Variants in NBEA observed in about 807,000 individuals in gnomAD.
NBEA encodes the protein lysosomal-trafficking regulator 2.
Under a neutral mutation model 343.4 loss-of-function variants are expected in NBEA, and 44 were observed. That is an observed-to-expected ratio of 0.13 (90% CI 0.10 to 0.16). The LOEUF is 0.16. Among genes scored for constraint, NBEA ranks in the 10% least tolerant of loss-of-function variants. The pLI is 1.00. For synonymous variants in NBEA, 1,175 were observed against 1,238.7 expected, an observed-to-expected ratio of 0.95 and a Z score of 1.08; for missense variants, 2,555 against 3,631.3, an observed-to-expected ratio of 0.70 and a Z score of 7.62.
In NBEA at chr13:35,157,146, C is replaced by G. The variant is rs1387402117; in HGVS notation, c.2720C>G (p.Ser907Cys). Reference sequence around the variant, plus strand: ...CTTGGCTATATCAATCCTAAAAATTCTGAGGAACAGAAGATTACCGAAATG... The same window carrying G: ...CTTGGCTATATCAATCCTAAAAATTGTGAGGAACAGAAGATTACCGAAATG... ...FSLGYINPKN[S>C]EEQKITEMVY... Residue 907 changes from serine (S) to cysteine (C), a missense_variant, in exon 21 of 59, where the codon TCT becomes TGT. Around this residue, in one of 21 missense-constraint regions of NBEA, gnomAD observed 360 missense variants for 519.1 expected, o/e 0.69. Transcript: ENST00000379939. 6 of 1,607,964 alleles carry G rather than the reference C, an allele frequency of 3.7e-6. No individual in the cohort carries two copies. The highest frequency in any genetic ancestry group is 1.3e-5 in the African/African-American group (1 of 74,750).
At chr13:35,309,173 T>A (rs939608574) in intron 35 of NBEA, among the ~76,000 whole-genome samples, 8 of 152,040 alleles carry the variant, frequency 5.3e-5, no homozygotes, top group Non-Finnish European at 5.9e-5. Context: ...GGAGCTAAAG[T>A]TTTCTATCCC....
chr13:35,505,307 G>A (rs907015419), intron 41 of NBEA, among the ~76,000 whole-genome samples: 10 of 152,122 alleles, frequency 6.6e-5, no homozygotes, highest in African/African-American at 4.8e-5. Flanking sequence ...TCAATGATAC[G>A]TATTTGGCCT....
At chr13:35,011,468 C>T (rs2061491889) in intron 1 of NBEA, among the ~76,000 whole-genome samples, 1 of 152,056 alleles carries the variant, frequency 6.6e-6, no homozygotes, top group Non-Finnish European at 1.5e-5. Flanking sequence ...CTTGCTGTGA[C>T]TTCGTTGTCA....
At chr13:35,005,667 G>C (rs1008996629) in intron 1 of NBEA, among the ~76,000 whole-genome samples, 1 of 152,114 alleles carries the variant, frequency 6.6e-6, no homozygotes, top group Non-Finnish European at 1.5e-5. Context: ...CAGTATCCTT[G>C]ATAATTGTTA....
chr13:35,177,014 C>A lies in NBEA; in HGVS notation c.4573C>A (p.Pro1525Thr). The change falls in exon 28 of 59, where the codon CCA becomes ACA. Residue 1525 changes from proline (P) to threonine (T), a missense_variant. Pro to Thr is a conservative substitution (Grantham distance 38). Around this residue, in one of 21 missense-constraint regions of NBEA, gnomAD observed 168 missense variants for 193.0 expected, o/e 0.87. Coordinates refer to ENST00000379939, the MANE Select transcript of NBEA (RefSeq NM_001385012.1). The part of the protein sequence containing the change: ...AASKTPLENV[P>T]GNLSPIKDPD... ...TTCAAAGACTCCATTGGAAAATGTTCCAGGTAACCTTTCTCCTATTAAGGA... is the reference window on the plus strand; with the variant it reads ...TTCAAAGACTCCATTGGAAAATGTTACAGGTAACCTTTCTCCTATTAAGGA... 6.3e-7 allele frequency: 1 copy of A among 1,596,480 alleles called. No individual in the cohort carries two copies. The highest frequency in any genetic ancestry group is 2.3e-5 in the East Asian group (1 of 44,264).
chr13:35,398,946 A>G (rs1344006912), intron 38 of NBEA, among the ~76,000 whole-genome samples: 1 of 152,180 alleles, frequency 6.6e-6, no homozygotes, highest in Non-Finnish European at 1.5e-5. Context: ...TGTTTCATCT[A>G]CATTGAAAAT....
intron 38 of NBEA, among the ~76,000 whole-genome samples, chr13:35,358,667 G>A (rs189932886): frequency 2.4e-4 from 36 of 151,946 alleles, no homozygotes; most frequent in Admixed American, 1.8e-3. Flanking sequence ...GCAGTGAGCC[G>A]AGATTGTGCC....
intron 28 of NBEA, among the ~76,000 whole-genome samples, chr13:35,182,012 C>T (rs904779314): frequency 6.6e-6 from 1 of 150,852 alleles, no homozygotes; most frequent in Non-Finnish European, 1.5e-5. Context: ...TTTTAAAATC[C>T]AGGACATTAT....
Position 34,942,929 on chromosome 13 carries a change from A to G in NBEA, c.109A>G (p.Thr37Ala). The G allele has an allele frequency of 6.5e-7, 1 of 1,541,056 alleles. No individual in the cohort carries two copies. The highest frequency in any genetic ancestry group is 8.7e-7 in the Non-Finnish European group (1 of 1,143,818). Residue 37 changes from threonine (T) to alanine (A), a missense_variant, in exon 1 of 59, where the codon ACC (threonine) becomes GCC (alanine). Coordinates refer to ENST00000379939, the MANE Select transcript of NBEA (RefSeq NM_001385012.1). ...GGGGGSGGGG[T>A]GGSGMGELRG... ...CGGCGGGGGCAGCGGTGGTGGCGGC[A>G]CCGGGGGCAGCGGGATGGGGGAGCT...
At chr13:35,296,003 A>G (rs916301521) in intron 35 of NBEA, among the ~76,000 whole-genome samples, 5 of 152,190 alleles carry the variant, frequency 3.3e-5, no homozygotes, top group Admixed American at 2.0e-4. Context: ...CACATCACAT[A>G]ACACTTATAT....
chr13:35,418,300 T>C (rs1164894126), intron 38 of NBEA, among the ~76,000 whole-genome samples: 1 of 151,590 alleles, frequency 6.6e-6, no homozygotes, highest in Non-Finnish European at 1.5e-5. Flanking sequence ...GTATTTTCTA[T>C]TGTTTTTTCT....
chr13:35,604,760 C>T lies in NBEA; in HGVS notation c.7297-1666C>T, dbSNP rs913403. ...ATCTACCCACAATATACCCTGTTCT[C>T]CTCTTGTGCTCAGTTTCTCACCATT... is the stretch of plus-strand genomic sequence containing the variant. On this transcript the variant is annotated intron_variant, in intron 47 of 58. Coordinates refer to ENST00000379939, the MANE Select transcript of NBEA (RefSeq NM_001385012.1). Among the ~76,000 whole-genome samples the T allele has an allele frequency of 5.5e-3, 830 of 152,214 alleles. 12 individuals carry two copies. The highest frequency in any genetic ancestry group is 0.018 in the African/African-American group (739 of 41,544).
chr13:35,594,392 G>A (rs920595954), intron 47 of NBEA, among the ~76,000 whole-genome samples: 1 of 152,000 alleles, frequency 6.6e-6, no homozygotes, highest in African/African-American at 2.4e-5. Flanking sequence ...AACTGTAATT[G>A]GATGAATACA....
At position 35,309,389 on chromosome 13, in the gene NBEA, T is replaced by C; in HGVS notation, c.5839-139T>C. Reference sequence around the variant, plus strand: ...AAATTTGATTTTTTACAAAATAATATTCATTACAAAATCTTGTAAAGACAT... The same window carrying C: ...AAATTTGATTTTTTACAAAATAATACTCATTACAAAATCTTGTAAAGACAT... On this transcript the variant is annotated intron_variant, in intron 35 of 58. Coordinates refer to ENST00000379939, the MANE Select transcript of NBEA (RefSeq NM_001385012.1). 3 of 600,576 alleles carry C rather than the reference T, an allele frequency of 5.0e-6. No homozygotes were observed. In the South Asian group the frequency reaches 6.3e-5, roughly 13 times the overall value. The allele number at this position is 600,576 out of a possible 1,614,324, so 37.2% of individuals were successfully genotyped here.
At chr13:35,489,300 A>G (rs547624056) in intron 41 of NBEA, among the ~76,000 whole-genome samples, 1 of 151,906 alleles carries the variant, frequency 6.6e-6, no homozygotes, top group Non-Finnish European at 1.5e-5. Flanking sequence ...AAGAGGTGTT[A>G]TCACATGAAT....
At chr13:35,013,973 GA>G (rs2061567674) in intron 1 of NBEA, among the ~76,000 whole-genome samples, 1 of 151,638 alleles carries the variant, frequency 6.6e-6, no homozygotes, top group Admixed American at 6.6e-5. Flanking sequence ...TTGCTTTTTA[GA>G]AATTCTCAAC....
chr13:35,335,574 A>C (rs2152852486), intron 36 of NBEA, among the ~76,000 whole-genome samples: 1 of 152,228 alleles, frequency 6.6e-6, no homozygotes, highest in African/African-American at 2.4e-5. Flanking sequence ...AGGTTAGATA[A>C]GTTAGGTGTA....
At chr13:35,455,849 TTGCAAA>T in intron 40 of NBEA, among the ~76,000 whole-genome samples, 1 of 152,012 alleles carries the variant, frequency 6.6e-6, no homozygotes, top group Non-Finnish European at 1.5e-5. Flanking sequence ...ATATATTTCC[TTGCAAA>T]TACATAGTAT....
At chr13:35,173,443 T>C (rs752034555) in intron 26 of NBEA, 21 bp from the exon 27 acceptor site, 1 of 1,559,730 alleles carries the variant, frequency 6.4e-7, no homozygotes, top group East Asian at 2.3e-5. Context: ...ATTAACAATA[T>C]GTTTTTGAAT....
Sources: allele counts gnomAD v4.1 joint callset (sites outside exome capture counted in the v4.1 genomes callset), GRCh38; gene constraint gnomAD v4.1.1; regional missense constraint gnomAD v4.1.1; transcripts MANE v1.5; gene names NCBI Gene and HGNC (gene_info 2026-07-23, HGNC 2026-07-21).